Variants in UNC13C observed in about 807,000 individuals in gnomAD.
UNC13C encodes protein unc-13 homolog C.
Under a neutral mutation model 245.4 loss-of-function variants are expected in UNC13C, and 174 were observed. The ratio of observed to expected loss-of-function variants is 0.71; its 90% confidence interval spans 0.63 to 0.80. The LOEUF is 0.80. Among genes scored for constraint, UNC13C ranks in the 30% least tolerant of loss-of-function variants. UNC13C has a pLI of 0.00. For missense variants in UNC13C, 2,829 were observed against 2,602.9 expected (o/e 1.09, Z -1.89); for synonymous variants, 992 against 895.1 (o/e 1.11, Z -1.93).
chr15:54,320,804 T>C (rs1385397621), intron 13 of UNC13C: 1 of 335,312 alleles, frequency 3.0e-6, no homozygotes, highest in Admixed American at 3.4e-5. Context: ...TGGCAAAGTA[T>C]TGGCCTCCAT....
rs564863060 is a variant in UNC13C, at chr15:54,626,809, G to T, written c.6360-19G>T. ...GAAGTAAAGTTTTTGCTCAAAATTT[G>T]TATTTTTAATCCACACAGCATTCTC... On this transcript the variant is annotated intron_variant, in intron 32 of 32. Transcript: ENST00000260323. 2.5e-6 allele frequency: 4 copies of T among 1,592,608 alleles called. No homozygotes were observed. Among genetic ancestry groups the T allele is most frequent in the African/African-American group, 2.7e-5 (2 of 73,926 alleles).
At chr15:54,111,523 A>AGCCTCTCTGGGAAACCACAGG (rs1900770840) in intron 2 of UNC13C, among the ~76,000 whole-genome samples, 1 of 152,196 alleles carries the variant, frequency 6.6e-6, no homozygotes, top group South Asian at 2.1e-4. Context: ...CAGCCCCTGA[A>AGCCTCTCTGGGAAACCACAGG]GCCTCTCTGG....
At chr15:54,247,612 A>G (rs1393735759) in intron 7 of UNC13C, among the ~76,000 whole-genome samples, 1 of 152,118 alleles carries the variant, frequency 6.6e-6, no homozygotes, top group African/African-American at 2.4e-5. Flanking sequence ...TTTCCCTAAA[A>G]TGATGAGATC....
At chr15:54,003,287 A>C (rs1447565074) in intron 1 of UNC13C, among the ~76,000 whole-genome samples, 5 of 152,250 alleles carry the variant, frequency 3.3e-5, no homozygotes, top group African/African-American at 1.2e-4. Flanking sequence ...AAATGTTAGA[A>C]TTCTAAGTTG....
chr15:54,274,735 G>C (rs1201195730), intron 10 of UNC13C, among the ~76,000 whole-genome samples: 5 of 144,646 alleles, frequency 3.5e-5, no homozygotes, highest in African/African-American at 7.7e-5. Flanking sequence ...GCAGTGGCGC[G>C]ATCTCGGCTC....
chr15:54,088,350 T>A (rs1899367281), intron 2 of UNC13C, among the ~76,000 whole-genome samples: 1 of 152,072 alleles, frequency 6.6e-6, no homozygotes, highest in African/African-American at 2.4e-5. Context: ...CAAGTCAGTC[T>A]TGGCCTCTTA....
chr15:54,629,512 TGAC>T (rs1247568848), downstream of UNC13C: 24 of 152,284 alleles, frequency 1.6e-4, no homozygotes, highest in Admixed American at 1.4e-3. Context: ...TATATTGTAA[TGAC>T]GAGGAAAATA....
the UNC13C span, among the ~76,000 whole-genome samples, chr15:53,860,027 T>C: frequency 7.9e-5 from 12 of 152,240 alleles, no homozygotes; most frequent in Non-Finnish European, 1.6e-4. Context: ...TTTGTCTATC[T>C]GAATTCTCTA....
At chr15:54,325,642 T>G (rs970899709) in intron 14 of UNC13C, among the ~76,000 whole-genome samples, 5 of 151,874 alleles carry the variant, frequency 3.3e-5, no homozygotes, top group Non-Finnish European at 7.4e-5. Context: ...CTCCCACTCG[T>G]GAGTGAGAAC....
At chr15:54,438,439 C>A (rs779138317) in intron 19 of UNC13C, among the ~76,000 whole-genome samples, 7 of 151,948 alleles carry the variant, frequency 4.6e-5, no homozygotes, top group Non-Finnish European at 8.8e-5. Context: ...CAATTGTAAG[C>A]AAGCACATTT....
At chr15:54,518,860 A>G (rs1402300031) in intron 24 of UNC13C, among the ~76,000 whole-genome samples, 2 of 152,220 alleles carry the variant, frequency 1.3e-5, no homozygotes, top group Non-Finnish European at 2.9e-5. Context: ...TTCTGAACAT[A>G]AAGTGTCTCG....
chr15:54,418,005 C>A (rs775114556), intron 19 of UNC13C, among the ~76,000 whole-genome samples: 16 of 152,102 alleles, frequency 1.1e-4, no homozygotes, highest in Non-Finnish European at 2.2e-4. Flanking sequence ...CTCACTGCAA[C>A]CTCCGACTCC....
chr15:54,004,098 G>T (rs568445725), intron 1 of UNC13C, among the ~76,000 whole-genome samples: 2 of 152,228 alleles, frequency 1.3e-5, no homozygotes, highest in East Asian at 3.9e-4. Context: ...TCAAATATTA[G>T]ATTGTATTCA....
At chr15:53,870,988 C>T in the UNC13C span, among the ~76,000 whole-genome samples, 4 of 152,056 alleles carry the variant, frequency 2.6e-5, no homozygotes, top group African/African-American at 7.2e-5. Flanking sequence ...CTATTGTCAT[C>T]CTCATGCCAT....
rs776299868 is a variant in UNC13C at position 54,014,108 on chromosome 15, T to C, written c.1205T>C (p.Ile402Thr). 1.2e-6 allele frequency: 2 copies of C among 1,613,642 alleles called. No homozygotes were observed. Among genetic ancestry groups the C allele is most frequent in the African/African-American group, 1.3e-5 (1 of 74,972 alleles). ...KKSYKLKGTG[I>T]GISTDILTHD... ...TCATATAAACTCAAAGGAACAGGCA[T>C]TGGAATCTCAACAGATATTCTAACT... Residue 402 changes from isoleucine (I) to threonine (T), a missense_variant, in exon 2 of 33, where the codon ATT (isoleucine) becomes ACT (threonine). By Grantham distance (89) the Ile-to-Thr change is moderately conservative. Coordinates refer to ENST00000260323, the MANE Select transcript of UNC13C (RefSeq NM_001080534.3).
intron 2 of UNC13C, among the ~76,000 whole-genome samples, chr15:54,102,440 T>A (rs993553738): frequency 2.6e-5 from 4 of 152,222 alleles, no homozygotes; most frequent in African/African-American, 7.2e-5. Flanking sequence ...CTGTACGACA[T>A]GCTTGTGTAT....
chr15:53,986,570 T>A (rs1031805757), intron 1 of UNC13C, among the ~76,000 whole-genome samples: 1 of 151,814 alleles, frequency 6.6e-6, no homozygotes, highest in East Asian at 1.9e-4. Flanking sequence ...TATGAAAAAA[T>A]TCCAAATTTA....
At chr15:54,487,766 C>CAAAAAAAAAAAAA (rs5812760) in intron 19 of UNC13C, among the ~76,000 whole-genome samples, 1 of 62,768 alleles carries the variant, frequency 1.6e-5, no homozygotes, top group Non-Finnish European at 3.0e-5. Flanking sequence ...GATTCCATCT[C>CAAAAAAAAAAAAA]AAAAAAAAAA....
chr15:54,435,086 G>A (rs532008435), intron 19 of UNC13C, among the ~76,000 whole-genome samples: 3 of 152,078 alleles, frequency 2.0e-5, no homozygotes, highest in African/African-American at 4.8e-5. Flanking sequence ...AACAACAGAC[G>A]CTGGCGTAGA....
Sources: allele counts gnomAD v4.1 joint callset (sites outside exome capture counted in the v4.1 genomes callset), GRCh38; gene constraint gnomAD v4.1.1; transcripts MANE v1.5; gene names NCBI Gene and HGNC (gene_info 2026-07-23, HGNC 2026-07-21).